DDX21: variants seen among roughly 807,000 people sequenced by gnomAD.
The protein encoded by DDX21 is nucleolar RNA helicase 2.
Under a neutral mutation model 90.0 loss-of-function variants are expected in DDX21, and 18 were observed. That is an observed-to-expected ratio of 0.20 (90% CI 0.14 to 0.30). The LOEUF is 0.30. DDX21 is among the 10% of genes least tolerant of loss of function. The pLI is 1.00. For missense variants in DDX21, 673 were observed against 944.5 expected (o/e 0.71, Z 3.77); for synonymous variants, 294 against 318.0 (o/e 0.92, Z 0.80).
intron 1 of DDX21, among the ~76,000 whole-genome samples, chr10:68,959,010 T>C (rs1429404276): frequency 6.6e-6 from 1 of 152,112 alleles, no homozygotes; most frequent in East Asian, 1.9e-4. Flanking sequence ...TGAAATTGTC[T>C]CTTAAAAAAA....
At chr10:68,964,565 T>C (rs1474889810) in intron 4 of DDX21, among the ~76,000 whole-genome samples, 2 of 152,020 alleles carry the variant, frequency 1.3e-5, no homozygotes, top group Non-Finnish European at 2.9e-5. Context: ...TTTCACCATG[T>C]TGGCCAGGCT....
chr10:68,977,441 G>A (rs555017883), intron 11 of DDX21, 88 bp from the exon 12 acceptor site: 2 of 1,272,090 alleles, frequency 1.6e-6, no homozygotes, highest in East Asian at 2.4e-5. Flanking sequence ...GAAAGATTTG[G>A]AAAGTTACTC....
intron 11 of DDX21, among the ~76,000 whole-genome samples, chr10:68,976,144 A>G (rs866958115): frequency 6.6e-6 from 1 of 151,640 alleles, no homozygotes; most frequent in African/African-American, 2.4e-5. Context: ...GGAGGATTGC[A>G]TGAGCCCAGG....
intron 5 of DDX21, 131 bp from the exon 6 acceptor site, chr10:68,966,887 C>A: frequency 3.3e-6 from 2 of 604,818 alleles, no homozygotes; most frequent in African/African-American, 1.9e-5. Context: ...ATCATTATTA[C>A]TTAGCATATT....
chr10:68,960,338 T>C (rs1842857243), intron 2 of DDX21, 89 bp downstream of exon 2: 8 of 1,315,086 alleles, frequency 6.1e-6, no homozygotes, highest in Non-Finnish European at 8.1e-6. Flanking sequence ...TCTTTAATAG[T>C]AGGAGAAAAT....
rs1006571973 is a variant in DDX21 at position 68,977,944 on chromosome 10, CA to C, written c.1902+263del. Among the ~76,000 whole-genome samples the C allele has an allele frequency of 2.5e-3, 370 of 148,128 alleles. 1 individual carries two copies. The highest frequency in any genetic ancestry group is 9.1e-3 in the African/African-American group (363 of 40,094). On this transcript the variant is annotated intron_variant, in intron 12 of 14. Transcript: ENST00000354185. ...GCAACCTAGTGATACTCTGTCTCTACAAAAAAATAAAAAAAAAAAAAATTAG... is the reference window on the plus strand; with the variant it reads ...GCAACCTAGTGATACTCTGTCTCTACAAAAAATAAAAAAAAAAAAAATTAG...
chr10:68,977,014 A>C (rs1219474931), intron 11 of DDX21, among the ~76,000 whole-genome samples: 5 of 151,080 alleles, frequency 3.3e-5, no homozygotes, highest in African/African-American at 1.2e-4. Flanking sequence ...AGCTCACTGC[A>C]ATCCTCCCAC....
intron 6 of DDX21, 124 bp downstream of exon 6, chr10:68,967,327 C>G (rs1192868805): frequency 4.6e-6 from 4 of 869,384 alleles, no homozygotes; most frequent in Non-Finnish European, 6.8e-6. Flanking sequence ...GCACCCACCA[C>G]CACGCCTGGC....
chr10:68,956,797 C>T, intron 1 of DDX21: 1 of 975,160 alleles, frequency 1.0e-6, no homozygotes, highest in Non-Finnish European at 1.2e-6. Flanking sequence ...AATCCCAACA[C>T]TTTGGGAGGC....
intron 14 of DDX21, among the ~76,000 whole-genome samples, chr10:68,981,980 T>A (rs1481400805): frequency 6.6e-6 from 1 of 152,142 alleles, no homozygotes; most frequent in Non-Finnish European, 1.5e-5. Flanking sequence ...TTCAAGCGAT[T>A]CTCTTGCCTC....
In DDX21 at chr10:68,967,101, C is replaced by A; in HGVS notation, c.988C>A (p.Leu330Ile). The A allele has an allele frequency of 6.2e-7, 1 of 1,612,214 alleles. No homozygotes were observed. The highest frequency in any genetic ancestry group is 1.1e-5 in the South Asian group (1 of 90,932). The stretch of plus-strand genomic sequence containing the variant: ...CCACATACAGAATGGCAAACTAGAT[C>A]TCACCAAACTTAAGCATGTTGTCCT... ...KDHIQNGKLD[L>I]TKLKHVVLDE... Residue 330 changes from leucine (L) to isoleucine (I), a missense_variant, in exon 6 of 15, where the codon CTC becomes ATC. Coordinates refer to ENST00000354185, the MANE Select transcript of DDX21 (RefSeq NM_004728.4).
intron 8 of DDX21, among the ~76,000 whole-genome samples, chr10:68,971,041 C>T (rs112589498): frequency 7.4e-6 from 1 of 134,680 alleles, no homozygotes; most frequent in African/African-American, 2.8e-5. Flanking sequence ...GGCGTGGTCT[C>T]GGATCACTGT....
chr10:68,977,386 T>C, intron 11 of DDX21, 143 bp from the exon 12 acceptor site: 1 of 669,378 alleles, frequency 1.5e-6, no homozygotes, highest in Non-Finnish European at 2.3e-6. Flanking sequence ...ACTATAGAAA[T>C]ATGATTATTA....
chr10:68,978,327 T>A (rs1843135569), intron 12 of DDX21, among the ~76,000 whole-genome samples: 1 of 152,270 alleles, frequency 6.6e-6, no homozygotes, highest in African/African-American at 2.4e-5. Context: ...CTTACAAATA[T>A]ACTAAAACAA....
intron 2 of DDX21, among the ~76,000 whole-genome samples, chr10:68,961,749 C>T (rs1273660420): frequency 6.6e-6 from 1 of 152,102 alleles, no homozygotes; most frequent in African/African-American, 2.4e-5. Flanking sequence ...AATGACATTT[C>T]CATCAGTATA....
chr10:68,959,798 T>G lies in DDX21; in HGVS notation c.88-8T>G. On this transcript the variant is annotated splice_region_variant and splice_polypyrimidine_tract_variant and intron_variant, in intron 1 of 14. Coordinates refer to ENST00000354185, the MANE Select transcript of DDX21 (RefSeq NM_004728.4). ...AGTGTTTGTATTTTCCTTATGAATT[T>G]TTTTTAGAAAGAGAAAAAAGAGAAG... 6.6e-7 allele frequency: 1 copy of G among 1,523,930 alleles called. No individual in the cohort carries two copies. Among genetic ancestry groups the G allele is most frequent in the Non-Finnish European group, 8.7e-7 (1 of 1,144,366 alleles). The allele number at this position is 1,523,930 out of a possible 1,614,324, so 94.4% of individuals were successfully genotyped here. A position where few individuals can be genotyped will look rare whatever the true frequency, so the allele number is the denominator to read the frequency against.
chr10:68,974,688 A>T lies in DDX21; in HGVS notation c.1687A>T (p.Ile563Leu). The change falls in exon 11 of 15, where the codon ATA (isoleucine) becomes TTA (leucine). Residue 563 changes from isoleucine (I) to leucine (L), a missense_variant. Transcript: ENST00000354185. Reference sequence around the variant, plus strand: ...CCTGTAGGGAATTAAGTTCAAACGAATAGGTGTTCCTTCTGCAACAGAAAT... The same window carrying T: ...CCTGTAGGGAATTAAGTTCAAACGATTAGGTGTTCCTTCTGCAACAGAAAT... ...EQKAGIKFKR[I>L]GVPSATEIIK... is the part of the protein sequence containing the mutation. 1 of 1,614,088 alleles carries T rather than the reference A, an allele frequency of 6.2e-7. No homozygotes were observed.
intron 12 of DDX21, 60 bp from the exon 13 acceptor site, chr10:68,978,782 A>G (rs1843143842): frequency 6.4e-7 from 1 of 1,556,010 alleles, no homozygotes; most frequent in East Asian, 2.3e-5. Flanking sequence ...AAAAGCAGGT[A>G]TTTATCAATT....
rs1342455168 is a variant in DDX21, at chr10:68,970,255, A to G, written c.1291A>G (p.Ile431Val). ...GAGGGCAGCAGTTATTGGGGATGTC[A>G]TCCGAGTATATAGTGGTCATCAAGG... ...TQRAAVIGDV[I>V]RVYSGHQGRT... Residue 431 changes from isoleucine (I) to valine (V), a missense_variant, in exon 8 of 15, where the codon ATC (isoleucine) becomes GTC (valine). Around this residue, in one of 4 missense-constraint regions of DDX21, gnomAD observed 218 missense variants for 347.3 expected, o/e 0.63. Transcript: ENST00000354185. 1 of 1,613,910 alleles carries G rather than the reference A, an allele frequency of 6.2e-7. No homozygotes were observed. Among genetic ancestry groups the G allele is most frequent in the Non-Finnish European group, 8.5e-7 (1 of 1,179,952 alleles).
Sources: gnomAD v4.1 joint callset for allele counts (sites outside exome capture counted in the v4.1 genomes callset) on GRCh38, gnomAD v4.1.1 for gene constraint, gnomAD v4.1.1 regional missense constraint, MANE v1.5 for transcripts, NCBI Gene and HGNC (gene_info 2026-07-23, HGNC 2026-07-21) for gene names.